The following RPA3 variants were observed in gnomAD, a reference collection of about 807,000 sequenced individuals.
RPA3 encodes the protein replication protein A3, also known as replication protein A 14 kDa subunit.
RPA3 carries 24 observed loss-of-function variants against 13.7 expected under a neutral mutation model. The ratio of observed to expected loss-of-function variants is 1.75; its 90% confidence interval spans 1.27 to 2.46. RPA3 has a LOEUF of 2.46. RPA3 is among the 30% of genes most tolerant of loss of function. RPA3 has a pLI of 0.00. For missense variants in RPA3, 183 were observed against 151.0 expected (o/e 1.21, Z -1.11); for synonymous variants, 59 against 51.2 (o/e 1.15, Z -0.65).
chr7:7,673,071 A>T (rs1381973750), intron 4 of RPA3, among the ~76,000 whole-genome samples: 1 of 152,168 alleles, frequency 6.6e-6, no homozygotes, highest in African/African-American at 2.4e-5. Context: ...TTATTTTCTG[A>T]ATCTTCAGAA....
At chr7:7,641,823 G>C (rs1784980067) in intron 4 of RPA3, 1 of 152,192 alleles carries the variant, frequency 6.6e-6, no homozygotes, top group Non-Finnish European at 1.5e-5. Context: ...AAGCAAAAAA[G>C]ATCCGATTTG....
chr7:7,646,938 T>A (rs1785110147), intron 4 of RPA3, among the ~76,000 whole-genome samples: 1 of 152,184 alleles, frequency 6.6e-6, no homozygotes, highest in Non-Finnish European at 1.5e-5. Context: ...CCTGTTCACA[T>A]TTAGGGCTAT....
intron 2 of RPA3, among the ~76,000 whole-genome samples, chr7:7,699,858 G>A (rs1013543307): frequency 2.0e-5 from 3 of 152,240 alleles, no homozygotes; most frequent in African/African-American, 7.2e-5. Context: ...CTGAGCTCTG[G>A]GTTATAAGTA....
intron 1 of RPA3, among the ~76,000 whole-genome samples, chr7:7,717,184 G>T: frequency 6.6e-6 from 1 of 151,534 alleles, no homozygotes; most frequent in East Asian, 1.9e-4. Context: ...TGCCTCCCGC[G>T]TAGCTGGGAC....
intron 4 of RPA3, among the ~76,000 whole-genome samples, chr7:7,668,626 C>A (rs1301524939): frequency 6.6e-6 from 1 of 152,112 alleles, no homozygotes; most frequent in African/African-American, 2.4e-5. Context: ...TTACCATAGG[C>A]TAATTGATAT....
At chr7:7,646,209 G>A (rs998711744) in intron 4 of RPA3, among the ~76,000 whole-genome samples, 1 of 152,186 alleles carries the variant, frequency 6.6e-6, no homozygotes, top group African/African-American at 2.4e-5. Context: ...TAGCATCGAG[G>A]AGGAATCAGG....
chr7:7,642,110 G>C lies in RPA3; in HGVS notation c.-757-935C>G, dbSNP rs536356088. ...AAAGCAAGTTGATGTGCATTATATA[G>C]GGGAGAGTACACACATCAATGTCTT... On this transcript the variant is annotated intron_variant, in intron 4 of 7. Coordinates refer to ENST00000223129, the MANE Select transcript of RPA3 (RefSeq NM_002947.5). 1.1e-3 allele frequency among the ~76,000 whole-genome samples: 162 copies of C among 152,220 alleles called. 1 individual carries two copies. Among genetic ancestry groups the C allele is most frequent in the Non-Finnish European group, 1.9e-3 (128 of 68,004 alleles).
At chr7:7,638,199 TA>T in intron 6 of RPA3, 1 of 388,340 alleles carries the variant, frequency 2.6e-6, no homozygotes, top group Non-Finnish European at 4.8e-6. Flanking sequence ...AGTCCAAAGC[TA>T]CAATTCAAGT....
chr7:7,712,532 A>T lies in RPA3; in HGVS notation c.-1028+2643T>A, dbSNP rs74752761. 1.9e-3 allele frequency among the ~76,000 whole-genome samples: 288 copies of T among 152,304 alleles called. 3 individuals are homozygous for T. Among genetic ancestry groups the T allele is most frequent in the African/African-American group, 6.8e-3 (281 of 41,564 alleles). ...GCCAGCATAGAAACATGTAGCTGAT[A>T]CTTGTAGCAACCATCTTGATAAAAT... On this transcript the variant is annotated intron_variant, in intron 2 of 7. Transcript: ENST00000223129.
chr7:7,653,561 G>A (rs1233401023), intron 4 of RPA3, among the ~76,000 whole-genome samples: 1 of 152,192 alleles, frequency 6.6e-6, no homozygotes, highest in Non-Finnish European at 1.5e-5. Context: ...CACGCACTAG[G>A]TGATCATACC....
intron 1 of RPA3, among the ~76,000 whole-genome samples, chr7:7,715,654 T>G (rs1051539772): frequency 1.3e-5 from 2 of 152,130 alleles, no homozygotes; most frequent in African/African-American, 4.8e-5. Flanking sequence ...AAAATAAAGA[T>G]CCACAAATTT....
At chr7:7,697,040 T>C (rs1015077677) in intron 2 of RPA3, among the ~76,000 whole-genome samples, 9 of 152,174 alleles carry the variant, frequency 5.9e-5, no homozygotes, top group African/African-American at 2.2e-4. Context: ...TTAGTACACA[T>C]GCCAAGCAGT....
In RPA3 at chr7:7,647,813, C is replaced by T. The variant is rs1785131684; in HGVS notation, c.-757-6638G>A. On this transcript the variant is annotated intron_variant, in intron 4 of 7. Coordinates refer to ENST00000223129, the MANE Select transcript of RPA3 (RefSeq NM_002947.5). ...AGAGACGGGTTCTTTCTTTGTTGCCCAGGCTGGTCCATAACTGCTAGGCTC... is the reference window on the plus strand; with the variant it reads ...AGAGACGGGTTCTTTCTTTGTTGCCTAGGCTGGTCCATAACTGCTAGGCTC... Among the ~76,000 whole-genome samples, 3 of 152,246 alleles carry T rather than the reference C, an allele frequency of 2.0e-5. 1 individual carries two copies. The highest frequency in any genetic ancestry group is 4.1e-4 in the South Asian group (2 of 4,826).
intron 2 of RPA3, among the ~76,000 whole-genome samples, chr7:7,698,130 G>A (rs1780361983): frequency 6.6e-6 from 1 of 152,180 alleles, no homozygotes; most frequent in African/African-American, 2.4e-5. Context: ...ACACTGTGCT[G>A]ACAGGCACTA....
At chr7:7,713,071 G>T (rs1304980276) in intron 2 of RPA3, among the ~76,000 whole-genome samples, 1 of 151,974 alleles carries the variant, frequency 6.6e-6, no homozygotes, top group Non-Finnish European at 1.5e-5. Flanking sequence ...GCGCGCGGTG[G>T]CTCACACCTA....
intron 4 of RPA3, among the ~76,000 whole-genome samples, chr7:7,655,551 G>A (rs1329915210): frequency 6.6e-6 from 1 of 152,098 alleles, no homozygotes; most frequent in Non-Finnish European, 1.5e-5. Flanking sequence ...AACTTCCTAA[G>A]TATTTTAGCT....
At chr7:7,662,515 AG>A (rs914760459) in intron 4 of RPA3, among the ~76,000 whole-genome samples, 1 of 152,060 alleles carries the variant, frequency 6.6e-6, no homozygotes, top group Non-Finnish European at 1.5e-5. Flanking sequence ...TCCGGACCGG[AG>A]TGCACTGTTC....
intron 5 of RPA3, chr7:7,639,822 G>C (rs541141132): frequency 6.0e-6 from 1 of 166,542 alleles, no homozygotes; most frequent in African/African-American, 2.4e-5. Flanking sequence ...CTCGCCTGTA[G>C]AATGAGGGAA....
At chr7:7,676,331 C>T (rs546537968) in intron 4 of RPA3, 1 of 392,596 alleles carries the variant, frequency 2.5e-6, no homozygotes, top group South Asian at 1.4e-4. Context: ...TAGAAAAACC[C>T]TGTGAGTGAG....
Sources: gnomAD v4.1 joint callset for allele counts (sites outside exome capture counted in the v4.1 genomes callset) on GRCh38, gnomAD v4.1.1 for gene constraint, MANE v1.5 for transcripts, NCBI Gene and HGNC (gene_info 2026-07-23, HGNC 2026-07-21) for gene names.